Variants in WWOX observed in about 807,000 individuals in gnomAD.
WWOX encodes the protein WW domain containing oxidoreductase, also known as WW domain-containing oxidoreductase.
Under a neutral mutation model 46.2 loss-of-function variants are expected in WWOX, and 69 were observed. The observed-to-expected ratio is 1.49, with a 90% CI of 1.23 to 1.82. The LOEUF (loss-of-function observed/expected upper bound fraction) is 1.82. Among genes scored for constraint, WWOX ranks in the 40% most tolerant of loss-of-function variants. The probability of loss-of-function intolerance (pLI) is 0.00; values close to 1 mark genes in which losing one functional copy is unlikely to be tolerated. For missense variants in WWOX, 919 were observed against 542.6 expected (o/e 1.69, Z -6.89); for synonymous variants, 359 against 202.6 (o/e 1.77, Z -6.56).
At chr16:78,797,357 G>GAAAAAAA (rs1567566659) in intron 8 of WWOX, among the ~76,000 whole-genome samples, 1 of 16,770 alleles carries the variant, frequency 6.0e-5, no homozygotes, top group African/African-American at 1.4e-4. Context: ...GGTCAAAGTG[G>GAAAAAAA]TAAAAAAAAA....
chr16:78,460,460 T>C lies in WWOX; in HGVS notation c.1056+27708T>C, dbSNP rs897214389. 2.2e-4 allele frequency among the ~76,000 whole-genome samples: 33 copies of C among 152,220 alleles called. 1 individual carries two copies. Among genetic ancestry groups the C allele is most frequent in the South Asian group, 6.2e-4 (3 of 4,824 alleles). ...AATAACCTGTCTTCAGTCTACTCTT[T>C]GTCCTTTTCTCTCCTTTCCTCCCTG... is the stretch of plus-strand genomic sequence containing the variant. On this transcript the variant is annotated intron_variant, in intron 8 of 8. Coordinates refer to ENST00000566780, the MANE Select transcript of WWOX (RefSeq NM_016373.4).
At chr16:79,090,814 A>T (rs1228144648) in intron 8 of WWOX, among the ~76,000 whole-genome samples, 1 of 152,020 alleles carries the variant, frequency 6.6e-6, no homozygotes, top group Non-Finnish European at 1.5e-5. Context: ...TGTTTTGGTT[A>T]TTTTGTTTTT....
intron 4 of WWOX, among the ~76,000 whole-genome samples, chr16:78,153,663 A>G (rs976343587): frequency 6.6e-6 from 1 of 152,222 alleles, no homozygotes; most frequent in South Asian, 2.1e-4. Context: ...GTGCCCAGTT[A>G]CAAGTAACAT....
chr16:78,967,591 C>T (rs900844870), intron 8 of WWOX, among the ~76,000 whole-genome samples: 1 of 151,548 alleles, frequency 6.6e-6, no homozygotes, highest in African/African-American at 2.4e-5. Context: ...AGGTGTGAGC[C>T]ACTATGCCCA....
chr16:78,760,600 C>T (rs958215301), intron 8 of WWOX, among the ~76,000 whole-genome samples: 1 of 152,172 alleles, frequency 6.6e-6, no homozygotes, highest in Non-Finnish European at 1.5e-5. Flanking sequence ...GTCTGTGTCT[C>T]CCCTCCAAGA....
chr16:78,584,952 C>T (rs1684077782), intron 8 of WWOX, among the ~76,000 whole-genome samples: 1 of 152,180 alleles, frequency 6.6e-6, no homozygotes, highest in South Asian at 2.1e-4. Context: ...AGTGGGTTTT[C>T]CCAACAACTG....
intron 8 of WWOX, among the ~76,000 whole-genome samples, chr16:78,941,833 A>G (rs780729712): frequency 2.6e-5 from 4 of 151,962 alleles, no homozygotes; most frequent in South Asian, 2.1e-4. Flanking sequence ...TTTTACTACT[A>G]TTTTTTCTTT....
chr16:78,710,666 G>C (rs2048426150), intron 8 of WWOX, among the ~76,000 whole-genome samples: 1 of 150,640 alleles, frequency 6.6e-6, no homozygotes, highest in Admixed American at 6.7e-5. Context: ...TCAGGCTGGA[G>C]TGCAGTGGCG....
intron 8 of WWOX, among the ~76,000 whole-genome samples, chr16:78,893,950 A>G (rs2044645240): frequency 6.6e-6 from 1 of 151,908 alleles, no homozygotes; most frequent in Non-Finnish European, 1.5e-5. Flanking sequence ...CTGAGCAGAT[A>G]TTGTGTCTGT....
intron 4 of WWOX, among the ~76,000 whole-genome samples, chr16:78,137,599 A>C (rs545442317): frequency 1.3e-5 from 2 of 152,214 alleles, no homozygotes; most frequent in South Asian, 4.1e-4. Flanking sequence ...TTTTCTTTGT[A>C]GGTAAAAAGG....
intron 6 of WWOX, among the ~76,000 whole-genome samples, chr16:78,389,724 G>A (rs1156336785): frequency 6.6e-6 from 1 of 152,036 alleles, no homozygotes; most frequent in Non-Finnish European, 1.5e-5. Context: ...CTTGACCACC[G>A]TACTATACTG....
chr16:79,013,271 A>G (rs907411468), intron 8 of WWOX, among the ~76,000 whole-genome samples: 10 of 152,132 alleles, frequency 6.6e-5, no homozygotes, highest in Non-Finnish European at 8.8e-5. Context: ...GCCTTTAAAA[A>G]TAAAATGCAT....
intron 8 of WWOX, among the ~76,000 whole-genome samples, chr16:79,010,827 T>G (rs1414187530): frequency 3.4e-5 from 5 of 148,598 alleles, no homozygotes; most frequent in Non-Finnish European, 4.5e-5. Context: ...GGGGTGGGGG[T>G]TCAGTGACAG....
intron 8 of WWOX, among the ~76,000 whole-genome samples, chr16:78,572,938 G>C (rs1404023369): frequency 6.6e-6 from 1 of 152,090 alleles, no homozygotes; most frequent in Non-Finnish European, 1.5e-5. Context: ...GTGAAGTCTT[G>C]TTATATGTGG....
chr16:78,219,476 G>C (rs1034959100), intron 5 of WWOX, among the ~76,000 whole-genome samples: 3 of 152,144 alleles, frequency 2.0e-5, no homozygotes, highest in African/African-American at 7.2e-5. Flanking sequence ...GACAGGAAGA[G>C]ACTCTCCCAG....
intron 8 of WWOX, among the ~76,000 whole-genome samples, chr16:78,750,039 G>GA (rs1466471208): frequency 6.6e-6 from 1 of 152,226 alleles, no homozygotes; most frequent in Non-Finnish European, 1.5e-5. Flanking sequence ...CTCTATCAGG[G>GA]AAAAATAGGA....
At chr16:78,798,736 A>G (rs1234406207) in intron 8 of WWOX, among the ~76,000 whole-genome samples, 1 of 152,192 alleles carries the variant, frequency 6.6e-6, no homozygotes, top group Non-Finnish European at 1.5e-5. Flanking sequence ...TATAACAATG[A>G]TAAATGATGT....
At chr16:78,687,329 T>G (rs1032913327) in intron 8 of WWOX, among the ~76,000 whole-genome samples, 4 of 152,230 alleles carry the variant, frequency 2.6e-5, no homozygotes, top group Non-Finnish European at 5.9e-5. Flanking sequence ...CATTTTAGAT[T>G]AAAGCATTGT....
intron 8 of WWOX, among the ~76,000 whole-genome samples, chr16:78,475,473 A>G (rs149607327): frequency 6.6e-6 from 1 of 152,190 alleles, no homozygotes; most frequent in Non-Finnish European, 1.5e-5. Context: ...TTGGTTTGTT[A>G]TAAGGTGGTC....
Sources: gnomAD v4.1 joint callset for allele counts (sites outside exome capture counted in the v4.1 genomes callset) on GRCh38, gnomAD v4.1.1 for gene constraint, MANE v1.5 for transcripts, NCBI Gene and HGNC (gene_info 2026-07-23, HGNC 2026-07-21) for gene names.